PAPPA2: variants seen among roughly 807,000 people sequenced by gnomAD.
The protein encoded by PAPPA2 is pappalysin 2.
A neutral mutation model predicts 176.4 loss-of-function variants in PAPPA2; 86 were observed. The ratio of observed to expected loss-of-function variants is 0.49; its 90% CI spans 0.41 to 0.58. The LOEUF is 0.58. Among genes scored for constraint, PAPPA2 ranks in the 20% least tolerant of loss-of-function variants. The pLI is 0.00. For synonymous variants in PAPPA2, 809 were observed against 852.2 expected (o/e 0.95, Z 0.88); for missense variants, 2,073 against 2,256.9 (o/e 0.92, Z 1.65).
intron 17 of PAPPA2, among the ~76,000 whole-genome samples, chr1:176,785,404 T>C (rs1250081243): frequency 1.3e-5 from 2 of 151,862 alleles, no homozygotes; most frequent in Non-Finnish European, 2.9e-5. Flanking sequence ...TTGTCTGATG[T>C]AGAGAGATGC....
Position 176,706,549 on chromosome 1 carries a change from A to G in PAPPA2, c.3457+99A>G, listed in dbSNP as rs577374241. The G allele has an allele frequency of 9.1e-6, 9 of 993,920 alleles. No individual in the cohort carries two copies. In the Admixed American group the frequency reaches 1.7e-4, roughly 19 times the overall value. The allele number at this position is 993,920 out of a possible 1,614,324, so 61.6% of individuals were successfully genotyped here. A position where few individuals can be genotyped will look rare whatever the true frequency, so the allele number is the denominator to read the frequency against. On this transcript the variant is annotated intron_variant, in intron 10 of 22. Transcript: ENST00000367662. ...CTGTAACATCTAGCTTAGTGATTATAATAATAACCTCTGATGTGTCCCTTG... is the reference window on the plus strand; with the variant it reads ...CTGTAACATCTAGCTTAGTGATTATGATAATAACCTCTGATGTGTCCCTTG...
At chr1:176,726,292 A>G (rs1287864950) in intron 12 of PAPPA2, among the ~76,000 whole-genome samples, 1 of 152,188 alleles carries the variant, frequency 6.6e-6, no homozygotes, top group African/African-American at 2.4e-5. Context: ...CATCCTTGAT[A>G]CACACTTCTC....
intron 21 of PAPPA2, among the ~76,000 whole-genome samples, chr1:176,807,497 CTTT>C (rs1156629514): frequency 3.6e-5 from 5 of 137,752 alleles, no homozygotes; most frequent in Admixed American, 7.3e-5. Context: ...TTCTTTCTTT[CTTT>C]TTTTTTTTTT....
chr1:176,607,678 C>A (rs531926715), intron 3 of PAPPA2, among the ~76,000 whole-genome samples: 13 of 152,258 alleles, frequency 8.5e-5, no homozygotes, highest in African/African-American at 3.1e-4. Context: ...CCTCCATTTG[C>A]CCTAATATCT....
intron 12 of PAPPA2, among the ~76,000 whole-genome samples, chr1:176,716,008 A>G (rs1661352319): frequency 6.6e-6 from 1 of 150,860 alleles, no homozygotes; most frequent in African/African-American, 2.4e-5. Context: ...ATTAATATTA[A>G]TAACTTCAAA....
chr1:176,692,366 A>C, intron 6 of PAPPA2, 48 bp downstream of exon 6: 1 of 1,502,994 alleles, frequency 6.7e-7, no homozygotes, highest in African/African-American at 1.4e-5. Flanking sequence ...TCTCTGTGGC[A>C]TTTCATATGA....
At chr1:176,656,783 T>A (rs1021092185) in intron 3 of PAPPA2, among the ~76,000 whole-genome samples, 2 of 149,928 alleles carry the variant, frequency 1.3e-5, no homozygotes, top group Non-Finnish European at 3.0e-5. Flanking sequence ...TCTCTCTCTT[T>A]CACACACACA....
At chr1:176,635,439 C>T (rs1358127413) in intron 3 of PAPPA2, among the ~76,000 whole-genome samples, 1 of 152,148 alleles carries the variant, frequency 6.6e-6, no homozygotes, top group Admixed American at 6.5e-5. Flanking sequence ...CAGGGTACCA[C>T]AGTGATGTGG....
intron 18 of PAPPA2, among the ~76,000 whole-genome samples, chr1:176,790,888 C>A (rs10913254): frequency 0.41 from 61,979 of 151,944 alleles, 14,080 homozygotes; most frequent in African/African-American, 0.6. Context: ...TTTAAGCAGA[C>A]AGGCAAAAAC....
At chr1:176,743,532 A>G (rs1392732363) in intron 14 of PAPPA2, among the ~76,000 whole-genome samples, 1 of 152,190 alleles carries the variant, frequency 6.6e-6, no homozygotes, top group African/African-American at 2.4e-5. Context: ...GTTCTGCACA[A>G]CTTGCCACAG....
intron 2 of PAPPA2, among the ~76,000 whole-genome samples, chr1:176,584,681 T>C (rs1653197191): frequency 1.2e-5 from 1 of 86,588 alleles, no homozygotes; most frequent in African/African-American, 4.4e-5. Context: ...CTCTTTTTGT[T>C]TATTTTTTAT....
chr1:176,556,398 C>G lies in PAPPA2; in HGVS notation c.76C>G (p.Leu26Val), dbSNP rs1423139815. Residue 26 changes from leucine to valine, a missense_variant, in exon 2 of 23, where the codon CTG becomes GTG. Around this residue, in one of 4 missense-constraint regions of PAPPA2, gnomAD observed 1,196 missense variants for 1,330.4 expected, o/e 0.90. Coordinates refer to ENST00000367662, the MANE Select transcript of PAPPA2 (RefSeq NM_020318.3). ...GGCACTCTGTTCTGCCAACTCTGAG[C>G]TGGGCTGGACACGCAAGAAATCCTT... is the stretch of plus-strand genomic sequence containing the variant. ...GWALCSANSELGWTRKKSLVE... is the reference protein window; with the variant it reads ...GWALCSANSEVGWTRKKSLVE... 3.7e-6 allele frequency: 6 copies of G among 1,614,176 alleles called. No individual in the cohort carries two copies. In the South Asian group the frequency reaches 6.6e-5, roughly 18 times the overall value.
intron 3 of PAPPA2, among the ~76,000 whole-genome samples, chr1:176,653,978 C>T (rs952800275): frequency 2.0e-5 from 3 of 151,554 alleles, no homozygotes; most frequent in African/African-American, 7.3e-5. Context: ...TTTCTTCTGC[C>T]TATTTTTTTA....
chr1:176,533,195 C>T (rs1380966402), intron 1 of PAPPA2, among the ~76,000 whole-genome samples: 4 of 152,226 alleles, frequency 2.6e-5, no homozygotes, highest in Non-Finnish European at 5.9e-5. Context: ...GTGAACTTTG[C>T]ACATTGCCAG....
chr1:176,670,387 G>A (rs1042333031), intron 3 of PAPPA2, among the ~76,000 whole-genome samples: 8 of 152,196 alleles, frequency 5.3e-5, no homozygotes, highest in Admixed American at 2.6e-4. Context: ...AGTATAAAGA[G>A]AGATGTCTAT....
intron 21 of PAPPA2, among the ~76,000 whole-genome samples, chr1:176,822,098 A>G (rs188041123): frequency 6.6e-6 from 1 of 152,330 alleles, no homozygotes; most frequent in African/African-American, 2.4e-5. Context: ...AACTACAATA[A>G]ACATTCCCTT....
intron 3 of PAPPA2, among the ~76,000 whole-genome samples, chr1:176,627,301 A>G (rs922366610): frequency 1.4e-4 from 22 of 152,226 alleles, no homozygotes; most frequent in African/African-American, 5.3e-4. Flanking sequence ...GGATTAAGTC[A>G]ACAACTTGTT....
chr1:176,782,284 C>G (rs755525232), intron 17 of PAPPA2, among the ~76,000 whole-genome samples: 5 of 152,044 alleles, frequency 3.3e-5, no homozygotes, highest in Admixed American at 6.6e-5. Context: ...TATTATGTAC[C>G]AGGCATTGTG....
intron 14 of PAPPA2, among the ~76,000 whole-genome samples, chr1:176,755,531 GA>G (rs1200778326): frequency 1.3e-5 from 2 of 152,184 alleles, no homozygotes; most frequent in Non-Finnish European, 2.9e-5. Context: ...TGTAGTTGGG[GA>G]AGTGTCATTC....
Sources: gnomAD v4.1 joint callset for allele counts (sites outside exome capture counted in the v4.1 genomes callset) on GRCh38, gnomAD v4.1.1 for gene constraint, gnomAD v4.1.1 regional missense constraint, MANE v1.5 for transcripts, NCBI Gene and HGNC (gene_info 2026-07-23, HGNC 2026-07-21) for gene names.